FIG4: variants seen among roughly 807,000 people sequenced by gnomAD.
The protein encoded by FIG4 is polyphosphoinositide phosphatase.
Under a neutral mutation model 118.6 loss-of-function variants are expected in FIG4, and 112 were observed. The ratio of observed to expected loss-of-function variants is 0.94; its 90% CI spans 0.81 to 1.11. The LOEUF is 1.11. Ranked by LOEUF, FIG4 falls within the 50% of genes least tolerant of loss-of-function variation. The probability of loss-of-function intolerance (pLI) is 0.00; values close to 1 mark genes in which losing one functional copy is unlikely to be tolerated. For synonymous variants in FIG4, 369 were observed against 381.2 expected (o/e 0.97, Z 0.37); for missense variants, 969 against 1,111.7 (o/e 0.87, Z 1.83).
intron 1 of FIG4, among the ~76,000 whole-genome samples, chr6:109,711,657 T>A (rs1273205057): frequency 6.6e-6 from 1 of 152,172 alleles, no homozygotes; most frequent in Non-Finnish European, 1.5e-5. Context: ...GCCTGTGGGT[T>A]TCATTGCATG....
chr6:109,763,843 C>G, intron 12 of FIG4, 94 bp from the exon 13 acceptor site: 1 of 881,686 alleles, frequency 1.1e-6, no homozygotes, highest in Non-Finnish European at 1.9e-6. Context: ...AGCTCTATTA[C>G]TTTAATTCTA....
chr6:109,700,294 TTAG>T (rs1026182907), intron 1 of FIG4, among the ~76,000 whole-genome samples: 3 of 152,212 alleles, frequency 2.0e-5, no homozygotes, highest in African/African-American at 7.2e-5. Context: ...GGTGAAAGTC[TTAG>T]TAGCCTGAAC....
intron 3 of FIG4, among the ~76,000 whole-genome samples, chr6:109,720,297 T>A (rs1775567783): frequency 6.6e-6 from 1 of 152,218 alleles, no homozygotes. Context: ...CACAAAATAC[T>A]TATCTTTGAA....
chr6:109,791,622 T>A (rs1471257095), intron 20 of FIG4, 51 bp downstream of exon 20: 1 of 1,519,552 alleles, frequency 6.6e-7, no homozygotes, highest in Admixed American at 1.7e-5. Context: ...TGGAAAATGA[T>A]CTTTACAACT....
At chr6:109,792,833 G>A (rs984832878) in intron 21 of FIG4, among the ~76,000 whole-genome samples, 169 bp downstream of exon 21, 5 of 150,358 alleles carry the variant, frequency 3.3e-5, no homozygotes, top group African/African-American at 9.8e-5. Flanking sequence ...TGGGATTGCA[G>A]GTGCACGCCA....
At chr6:109,716,711 C>A in intron 3 of FIG4, 143 bp downstream of exon 3, 1 of 984,234 alleles carries the variant, frequency 1.0e-6, no homozygotes, top group Non-Finnish European at 1.6e-6. Flanking sequence ...CTTCATTATC[C>A]ATCAATCAGA....
At chr6:109,709,489 T>C (rs1775190762) in intron 1 of FIG4, among the ~76,000 whole-genome samples, 1 of 152,244 alleles carries the variant, frequency 6.6e-6, no homozygotes, top group Admixed American at 6.5e-5. Flanking sequence ...TTTTTTCTAG[T>C]TCTGTGAAAA....
At chr6:109,819,835 C>A (rs778602286) in intron 22 of FIG4, among the ~76,000 whole-genome samples, 3 of 152,148 alleles carry the variant, frequency 2.0e-5, no homozygotes, top group Non-Finnish European at 2.9e-5. Context: ...AACTTAAACT[C>A]ATTTACTCCA....
intron 15 of FIG4, among the ~76,000 whole-genome samples, chr6:109,774,514 A>G (rs1039339824): frequency 2.0e-5 from 3 of 152,058 alleles, no homozygotes; most frequent in African/African-American, 7.2e-5. Context: ...AGGGCTTAAA[A>G]TATCTATCTA....
In FIG4 at chr6:109,795,117, T is replaced by TG. The variant is rs1778246429; in HGVS notation, c.2460-1648_2460-1647insG. Among the ~76,000 whole-genome samples the TG allele has an allele frequency of 7.6e-5, 9 of 117,716 alleles. No homozygotes were observed. In the South Asian group the frequency reaches 2.1e-3, roughly 27 times the overall value. The allele number at this position is 117,716 out of a possible 152,430, so 77.2% of individuals were successfully genotyped here. On this transcript the variant is annotated intron_variant, in intron 21 of 22. Coordinates refer to ENST00000230124, the MANE Select transcript of FIG4 (RefSeq NM_014845.6). Reference sequence around the variant, plus strand: ...CCAGTTTTTTTTTTTTTTTTTTTTTTTTTTTTTTTTTTTTTTTTGAGACGG... The same window carrying TG: ...CCAGTTTTTTTTTTTTTTTTTTTTTTGTTTTTTTTTTTTTTTTTTGAGACGG...
chr6:109,755,891 A>G (rs1356354992), intron 10 of FIG4, among the ~76,000 whole-genome samples: 3 of 152,054 alleles, frequency 2.0e-5, no homozygotes, highest in African/African-American at 7.3e-5. Flanking sequence ...TCTTTATCCA[A>G]TTTGCCAGTC....
intron 22 of FIG4, among the ~76,000 whole-genome samples, chr6:109,799,640 A>T (rs940410078): frequency 6.6e-6 from 1 of 152,242 alleles, no homozygotes. Flanking sequence ...ATCATGAAGA[A>T]ACCATTTTTT....
intron 6 of FIG4, among the ~76,000 whole-genome samples, chr6:109,736,223 T>A (rs1583664535): frequency 6.6e-6 from 1 of 152,130 alleles, no homozygotes; most frequent in Non-Finnish European, 1.5e-5. Flanking sequence ...GAATCCAATC[T>A]AAAGTAGTCC....
intron 15 of FIG4, among the ~76,000 whole-genome samples, chr6:109,775,279 A>G (rs909932135): frequency 6.6e-6 from 1 of 152,190 alleles, no homozygotes; most frequent in African/African-American, 2.4e-5. Context: ...GGCTGGCCTT[A>G]TATCTCAAGC....
chr6:109,695,711 C>G (rs542242897), intron 1 of FIG4, among the ~76,000 whole-genome samples: 1 of 152,118 alleles, frequency 6.6e-6, no homozygotes, highest in East Asian at 1.9e-4. Flanking sequence ...TTTGGTTGTG[C>G]TTTGACTTTA....
Position 109,790,104 on chromosome 6 carries a change from C to T in FIG4, c.2180+427C>T, listed in dbSNP as rs199616032. 2.6e-4 allele frequency among the ~76,000 whole-genome samples: 39 copies of T among 152,232 alleles called. No homozygotes were observed. In the East Asian group the frequency reaches 7.3e-3, roughly 29 times the overall value. ...GGGGAAGACTATTATTTTATTCAGT[C>T]CAGTAAAGAAGAAGATATACTGTGT... On this transcript the variant is annotated intron_variant, in intron 19 of 22. Coordinates refer to ENST00000230124, the MANE Select transcript of FIG4 (RefSeq NM_014845.6).
chr6:109,810,592 C>G (rs7774538), intron 22 of FIG4, among the ~76,000 whole-genome samples: 3,570 of 152,290 alleles, frequency 0.023, 159 homozygotes, highest in African/African-American at 0.08. Context: ...TTAGCCACGA[C>G]AGACATTCTT....
intron 16 of FIG4, among the ~76,000 whole-genome samples, chr6:109,783,079 C>A (rs1562681613): frequency 6.6e-6 from 1 of 152,142 alleles, no homozygotes; most frequent in Non-Finnish European, 1.5e-5. Flanking sequence ...CACATGGACA[C>A]ATGATGGGAG....
chr6:109,766,138 A>G (rs1777272213), intron 14 of FIG4, among the ~76,000 whole-genome samples: 1 of 152,198 alleles, frequency 6.6e-6, no homozygotes, highest in South Asian at 2.1e-4. Context: ...TGTCCTTATT[A>G]TAAAAGACTG....
Sources: allele counts gnomAD v4.1 joint callset (sites outside exome capture counted in the v4.1 genomes callset), GRCh38; gene constraint gnomAD v4.1.1; transcripts MANE v1.5; gene names NCBI Gene and HGNC (gene_info 2026-07-23, HGNC 2026-07-21).